Variants in HIPK3 observed in about 807,000 individuals in gnomAD.
HIPK3 encodes the protein homeodomain-interacting protein kinase 3.
HIPK3 carries 47 observed loss-of-function variants against 124.2 expected under a neutral mutation model. The ratio of observed to expected loss-of-function variants is 0.38; its 90% confidence interval spans 0.30 to 0.48. The LOEUF (loss-of-function observed/expected upper bound fraction) is 0.48, where lower values mean the gene tolerates loss of function less well. Among genes scored for constraint, HIPK3 ranks in the 20% least tolerant of loss-of-function variants. The pLI is 0.98. For missense variants in HIPK3, 1,286 were observed against 1,454.3 expected (o/e 0.88, Z 1.88); for synonymous variants, 482 against 515.2 (o/e 0.94, Z 0.87).
intron 8 of HIPK3, 108 bp from the exon 9 acceptor site, chr11:33,347,179 CAAAAAA>C: frequency 1.1e-6 from 1 of 870,556 alleles, no homozygotes; most frequent in Middle Eastern, 3.9e-4. Flanking sequence ...GGCCCTGTCT[CAAAAAA>C]AAAAAAAATC....
intron 2 of HIPK3, among the ~76,000 whole-genome samples, chr11:33,315,032 T>C (rs973555446): frequency 1.6e-4 from 25 of 152,184 alleles, no homozygotes; most frequent in Admixed American, 3.9e-4. Flanking sequence ...ACTAATAATA[T>C]AGTGTGTATA....
Position 33,348,029 on chromosome 11 carries a change from T to C in HIPK3, c.2306+16T>C, listed in dbSNP as rs1565098587. 1 of 1,613,728 alleles carries C rather than the reference T, an allele frequency of 6.2e-7. No individual in the cohort carries two copies. The highest frequency in any genetic ancestry group is 2.2e-5 in the East Asian group (1 of 44,880). The stretch of plus-strand genomic sequence containing the variant: ...GCCAGAACAGGTTGGTATTGGTGCT[T>C]TAGCTTTCCTCTGCATTTTGAGAAT... On this transcript the variant is annotated intron_variant, in intron 11 of 16. Coordinates refer to ENST00000303296, the MANE Select transcript of HIPK3 (RefSeq NM_005734.5).
intron 2 of HIPK3, among the ~76,000 whole-genome samples, chr11:33,323,582 A>G (rs1339985584): frequency 1.3e-5 from 2 of 152,232 alleles, no homozygotes; most frequent in East Asian, 1.9e-4. Context: ...AGGCAAATCT[A>G]TAGAGACAGA....
chr11:33,319,019 TTTG>T (rs1852586125), intron 2 of HIPK3, among the ~76,000 whole-genome samples: 5 of 152,230 alleles, frequency 3.3e-5, no homozygotes. Context: ...GGGCAGTGTA[TTTG>T]TTATCTGTTG....
Position 33,354,498 on chromosome 11 carries a change from C to T in HIPK3, c.*930C>T, listed in dbSNP as rs568881356. 3.3e-5 allele frequency: 5 copies of T among 152,482 alleles called. No individual in the cohort carries two copies. Among genetic ancestry groups the T allele is most frequent in the African/African-American group, 1.2e-4 (5 of 41,396 alleles). The allele number at this position is 152,482 out of a possible 1,614,324, so 9.4% of individuals were successfully genotyped here. On this transcript the variant is annotated 3_prime_UTR_variant, in exon 17 of 17. Transcript: ENST00000303296. ...TGAGAGTGTTTGCTGTATAATTGGA[C>T]TTAATAAAATGTTTAGAGGTACAGT...
chr11:33,295,087 C>T (rs895837878), intron 2 of HIPK3, among the ~76,000 whole-genome samples: 2 of 152,026 alleles, frequency 1.3e-5, no homozygotes, highest in Non-Finnish European at 2.9e-5. Context: ...CTGCCCTCAC[C>T]GGGTACCACC....
In HIPK3 at chr11:33,286,707, AG is replaced by A; in HGVS notation, c.295del (p.Ala99HisfsTer21). ...GGTGCTACAAAGGTCATAGCAGCTCAGGCACAGCAAGCTCACGTGCAGGCAC... is the reference window on the plus strand; with the variant it reads ...GGTGCTACAAAGGTCATAGCAGCTCAGCACAGCAAGCTCACGTGCAGGCAC... ...TAGATKVIAAQAQQAHVQAPQ... is the reference protein window; with the variant it reads ...TAGATKVIAAXAQQAHVQAPQ... On this transcript the variant is annotated frameshift_variant, in exon 2 of 17. Transcript: ENST00000303296. LOFTEE classifies it high-confidence loss of function. 1 of 1,614,114 alleles carries A rather than the reference AG, an allele frequency of 6.2e-7. No individual in the cohort carries two copies. The highest frequency in any genetic ancestry group is 2.2e-5 in the East Asian group (1 of 44,882).
chr11:33,348,896 A>G (rs1290187007), intron 13 of HIPK3, 78 bp downstream of exon 13: 2 of 1,356,584 alleles, frequency 1.5e-6, no homozygotes, highest in Non-Finnish European at 2.0e-6. Context: ...TCTGTGACTT[A>G]TTTCTTGTTT....
chr11:33,264,785 A>G (rs4382876), intron 1 of HIPK3, among the ~76,000 whole-genome samples: 32,874 of 152,136 alleles, frequency 0.22, 4,189 homozygotes, highest in East Asian at 0.38. Context: ...AAAACAAAAT[A>G]GTGAACTTGA....
upstream of HIPK3, chr11:33,257,350 C>G (rs1331673708): frequency 1.0e-6 from 1 of 984,506 alleles, no homozygotes; most frequent in Non-Finnish European, 1.2e-6. Flanking sequence ...GGCCGACGAG[C>G]GCGGAGGAGG....
Position 33,258,031 on chromosome 11 carries a change from G to C in HIPK3, c.-3+142G>C, listed in dbSNP as rs945417575. 19 of 664,558 alleles carry C rather than the reference G, an allele frequency of 2.9e-5. No homozygotes were observed. In the African/African-American group the frequency reaches 4.1e-4, roughly 14 times the overall value. 41.2% of individuals were successfully genotyped at this position (664,558 alleles called of 1,614,324 possible). ...GCAGCCCGCACTCATTGCGCGTCCCGTGCCCCATCCGCATCCCCAGCGCTC... is the reference window on the plus strand; with the variant it reads ...GCAGCCCGCACTCATTGCGCGTCCCCTGCCCCATCCGCATCCCCAGCGCTC... On this transcript the variant is annotated intron_variant, in intron 1 of 16. Coordinates refer to ENST00000303296, the MANE Select transcript of HIPK3 (RefSeq NM_005734.5).
chr11:33,290,681 A>T (rs925968020), intron 2 of HIPK3, among the ~76,000 whole-genome samples: 3 of 151,066 alleles, frequency 2.0e-5, no homozygotes, highest in African/African-American at 7.3e-5. Context: ...TCGGTTTACT[A>T]AATCTTTCAA....
chr11:33,343,114 C>T (rs1294033314), intron 8 of HIPK3, among the ~76,000 whole-genome samples: 3 of 152,226 alleles, frequency 2.0e-5, no homozygotes, highest in East Asian at 3.9e-4. Context: ...AATTCTGTTT[C>T]TCCTGTTTGC....
chr11:33,339,918 ATT>A (rs533402712), intron 6 of HIPK3, among the ~76,000 whole-genome samples: 218 of 151,062 alleles, frequency 1.4e-3, no homozygotes, highest in African/African-American at 5.1e-3. Context: ...TCCATTTTAC[ATT>A]TTTTTTTCCC....
At chr11:33,339,786 A>G (rs937761583) in intron 6 of HIPK3, among the ~76,000 whole-genome samples, 2 of 152,246 alleles carry the variant, frequency 1.3e-5, no homozygotes, top group Non-Finnish European at 2.9e-5. Flanking sequence ...TTTTTATTAT[A>G]CATGACTTTC....
chr11:33,300,348 C>CAA (rs565541023), intron 2 of HIPK3, among the ~76,000 whole-genome samples: 142 of 121,714 alleles, frequency 1.2e-3, no homozygotes, highest in African/African-American at 4.2e-3. Flanking sequence ...GACTCCATCG[C>CAA]AAAAAAAAAA....
chr11:33,257,264 G>A (rs1850688266), upstream of HIPK3: 2 of 983,034 alleles, frequency 2.0e-6, no homozygotes, highest in Admixed American at 6.2e-5. Context: ...CGCCGCGGCC[G>A]GAGCGGAGCG....
intron 2 of HIPK3, among the ~76,000 whole-genome samples, chr11:33,290,968 A>G (rs967573897): frequency 6.6e-6 from 1 of 152,216 alleles, no homozygotes; most frequent in African/African-American, 2.4e-5. Flanking sequence ...TTGTAAACAA[A>G]GACTAGTGCA....
intron 1 of HIPK3, chr11:33,258,354 G>T (rs1850728467): frequency 1.0e-6 from 1 of 985,602 alleles, no homozygotes; most frequent in Non-Finnish European, 1.2e-6. Context: ...ACAAACAAAC[G>T]CGCAGGCACG....
Sources: gnomAD v4.1 joint callset for allele counts (sites outside exome capture counted in the v4.1 genomes callset) on GRCh38, gnomAD v4.1.1 for gene constraint, MANE v1.5 for transcripts, NCBI Gene and HGNC (gene_info 2026-07-23, HGNC 2026-07-21) for gene names.